Variants in KCNB2 observed in about 807,000 individuals in gnomAD.
The protein encoded by KCNB2 is potassium voltage-gated channel subfamily B member 2.
In KCNB2, 15 loss-of-function variants were observed where a neutral mutation model predicts 61.5. That is an observed-to-expected ratio of 0.24 (90% CI 0.16 to 0.38). The LOEUF (loss-of-function observed/expected upper bound fraction) is 0.38, where lower values mean the gene tolerates loss of function less well. Ranked by LOEUF, KCNB2 falls within the 10% of genes least tolerant of loss-of-function variation. The probability of loss-of-function intolerance (pLI) is 1.00; values close to 1 mark genes in which losing one functional copy is unlikely to be tolerated. For synonymous variants in KCNB2, 457 were observed against 446.0 expected, an observed-to-expected ratio of 1.02 and a Z score of -0.31; for missense variants, 828 against 1,125.2, an observed-to-expected ratio of 0.74 and a Z score of 3.78.
intron 2 of KCNB2, among the ~76,000 whole-genome samples, chr8:72,911,391 G>A (rs1282415013): frequency 6.6e-6 from 1 of 152,218 alleles, no homozygotes; most frequent in Non-Finnish European, 1.5e-5. Context: ...GAACACACAT[G>A]CAGAGAAGCA....
At chr8:72,840,113 A>C (rs1428016655) in intron 2 of KCNB2, among the ~76,000 whole-genome samples, 1 of 151,586 alleles carries the variant, frequency 6.6e-6, no homozygotes, top group African/African-American at 2.4e-5. Context: ...CCCTGTGTCC[A>C]TGTGTTCTCA....
intron 2 of KCNB2, among the ~76,000 whole-genome samples, chr8:72,638,240 T>G (rs1805998408): frequency 6.6e-6 from 1 of 152,138 alleles, no homozygotes; most frequent in Admixed American, 6.6e-5. Flanking sequence ...TCTTCTGTCC[T>G]TTCTTCTTTT....
At chr8:72,854,188 T>TA (rs1810166597) in intron 2 of KCNB2, among the ~76,000 whole-genome samples, 1 of 152,210 alleles carries the variant, frequency 6.6e-6, no homozygotes, top group South Asian at 2.1e-4. Flanking sequence ...TGGCATTCCC[T>TA]AAACTGGATC....
chr8:72,621,741 T>G (rs1228351508), intron 2 of KCNB2, among the ~76,000 whole-genome samples: 3 of 152,190 alleles, frequency 2.0e-5, no homozygotes, highest in African/African-American at 7.2e-5. Context: ...ACAGTTTTAA[T>G]AAAATTTAGA....
intron 2 of KCNB2, among the ~76,000 whole-genome samples, chr8:72,914,456 A>G (rs1283326030): frequency 1.3e-5 from 2 of 152,192 alleles, no homozygotes; most frequent in East Asian, 3.9e-4. Flanking sequence ...ATGCTTACTT[A>G]TGATTGAAAA....
At chr8:72,570,635 T>C (rs1043767201) in intron 2 of KCNB2, among the ~76,000 whole-genome samples, 20 of 152,102 alleles carry the variant, frequency 1.3e-4, no homozygotes, top group African/African-American at 4.1e-4. Context: ...GTGTGGATAG[T>C]ATTTTCACAA....
At chr8:72,669,829 C>T (rs1289873285) in intron 2 of KCNB2, among the ~76,000 whole-genome samples, 1 of 152,206 alleles carries the variant, frequency 6.6e-6, no homozygotes, top group Non-Finnish European at 1.5e-5. Context: ...CCATGCCAGC[C>T]TCGTTGCCTA....
At chr8:72,690,901 G>A (rs761525373) in intron 2 of KCNB2, among the ~76,000 whole-genome samples, 2 of 152,028 alleles carry the variant, frequency 1.3e-5, no homozygotes, top group African/African-American at 2.4e-5. Context: ...GAATCCTCTG[G>A]CTCCATGTTC....
At chr8:72,583,234 C>A (rs1428621251) in intron 2 of KCNB2, among the ~76,000 whole-genome samples, 1 of 152,156 alleles carries the variant, frequency 6.6e-6, no homozygotes, top group Non-Finnish European at 1.5e-5. Context: ...GAGCCTTAAT[C>A]AGTCCCTTTT....
At chr8:72,901,432 ATG>A (rs1394549244) in intron 2 of KCNB2, among the ~76,000 whole-genome samples, 3 of 152,342 alleles carry the variant, frequency 2.0e-5, no homozygotes, top group Non-Finnish European at 4.4e-5. Context: ...ATAAAAAAGA[ATG>A]TATATAGATT....
intron 2 of KCNB2, among the ~76,000 whole-genome samples, chr8:72,672,861 A>T (rs1214022843): frequency 6.6e-6 from 1 of 152,170 alleles, no homozygotes; most frequent in Non-Finnish European, 1.5e-5. Flanking sequence ...ACTTAAAAAT[A>T]ATTAGTAGTA....
chr8:72,681,266 GA>G (rs763673203), intron 2 of KCNB2, among the ~76,000 whole-genome samples: 1 of 151,888 alleles, frequency 6.6e-6, no homozygotes, highest in African/African-American at 2.4e-5. Flanking sequence ...CTTTAGAATA[GA>G]AAAAAGACAG....
At chr8:72,565,876 T>C (rs1211310007) in intron 1 of KCNB2, among the ~76,000 whole-genome samples, 1 of 152,196 alleles carries the variant, frequency 6.6e-6, no homozygotes, top group Non-Finnish European at 1.5e-5. Context: ...ATAAGCACTG[T>C]GCTTGGTGAT....
Position 72,829,369 on chromosome 8 carries a change from A to G in KCNB2, c.580-106566A>G, listed in dbSNP as rs143990590. Among the ~76,000 whole-genome samples, 27 of 152,342 alleles carry G rather than the reference A, an allele frequency of 1.8e-4. 1 individual carries two copies. In the East Asian group the frequency reaches 5.0e-3, roughly 28 times the overall value. ...GTAAATGGTAGATACACTGGACCCAATTGAAATCTTCAGAATGAATGGAAA... is the reference window on the plus strand; with the variant it reads ...GTAAATGGTAGATACACTGGACCCAGTTGAAATCTTCAGAATGAATGGAAA... On this transcript the variant is annotated intron_variant, in intron 2 of 2. Coordinates refer to ENST00000523207, the MANE Select transcript of KCNB2 (RefSeq NM_004770.3).
chr8:72,930,628 ATTTG>A (rs1234923598), intron 2 of KCNB2, among the ~76,000 whole-genome samples: 1 of 152,088 alleles, frequency 6.6e-6, no homozygotes, highest in Non-Finnish European at 1.5e-5. Flanking sequence ...TCCTTCACCC[ATTTG>A]TTGATGGGGT....
intron 2 of KCNB2, among the ~76,000 whole-genome samples, chr8:72,913,250 A>G (rs144482214): frequency 5.3e-5 from 8 of 152,322 alleles, no homozygotes; most frequent in African/African-American, 1.9e-4. Context: ...AGAGACACCT[A>G]CTGGTGAGAG....
intron 2 of KCNB2, among the ~76,000 whole-genome samples, chr8:72,843,718 G>A (rs1322313183): frequency 6.6e-6 from 1 of 152,050 alleles, no homozygotes; most frequent in Non-Finnish European, 1.5e-5. Context: ...CTTGATCTTT[G>A]TTGGTTTAAT....
chr8:72,719,254 A>C (rs183488714), intron 2 of KCNB2, among the ~76,000 whole-genome samples: 13 of 152,164 alleles, frequency 8.5e-5, no homozygotes, highest in Non-Finnish European at 1.9e-4. Context: ...AGCCACATCT[A>C]TAAGGAAAAA....
intron 2 of KCNB2, among the ~76,000 whole-genome samples, chr8:72,597,314 G>A (rs181101501): frequency 5.3e-5 from 8 of 152,194 alleles, no homozygotes; most frequent in African/African-American, 1.4e-4. Context: ...GATTACAGGC[G>A]TGAGCCACCA....
Sources: gnomAD v4.1 joint callset for allele counts (sites outside exome capture counted in the v4.1 genomes callset) on GRCh38, gnomAD v4.1.1 for gene constraint, MANE v1.5 for transcripts, NCBI Gene and HGNC (gene_info 2026-07-23, HGNC 2026-07-21) for gene names.